The following SASH1 variants were observed in gnomAD, a reference collection of about 807,000 sequenced individuals.
SASH1 encodes SAM and SH3 domain containing 1.
SASH1 carries 44 observed loss-of-function variants against 125.2 expected under a neutral mutation model. The observed-to-expected ratio is 0.35, with a 90% CI of 0.28 to 0.45. SASH1 has a LOEUF of 0.45. SASH1 is among the 20% of genes least tolerant of loss of function. The pLI is 1.00. For synonymous variants in SASH1, 639 were observed against 649.1 expected (o/e 0.98, Z 0.24); for missense variants, 1,426 against 1,614.5 (o/e 0.88, Z 2.00).
chr6:148,255,187 C>T, the SASH1 span, among the ~76,000 whole-genome samples: 1 of 152,154 alleles, frequency 6.6e-6, no homozygotes, highest in African/African-American at 2.4e-5. Context: ...GTGGCTTTAG[C>T]AACAGAGGTT....
At chr6:148,381,677 G>A (rs371847042) in intron 1 of SASH1, among the ~76,000 whole-genome samples, 2 of 138,600 alleles carry the variant, frequency 1.4e-5, no homozygotes, top group East Asian at 4.2e-4. Flanking sequence ...CCAGGCTGGA[G>A]TGCAGTGGCG....
At chr6:148,244,961 A>T in the SASH1 span, among the ~76,000 whole-genome samples, 22,052 of 91,142 alleles carry the variant, frequency 0.24, 1,432 homozygotes, top group Admixed American at 0.3. Flanking sequence ...TGTGTGTGTG[A>T]GAGAGAGAGA....
chr6:148,466,801 G>T (rs1481139372), intron 4 of SASH1, among the ~76,000 whole-genome samples: 1 of 151,974 alleles, frequency 6.6e-6, no homozygotes, highest in East Asian at 1.9e-4. Flanking sequence ...CTCTCCTCCT[G>T]CCTCAGCCTT....
At chr6:148,209,033 A>T in the SASH1 span, among the ~76,000 whole-genome samples, 511 of 152,342 alleles carry the variant, frequency 3.4e-3, 6 homozygotes, top group African/African-American at 0.011. Context: ...CATTGTGCAA[A>T]AGGCACAAAT....
the SASH1 span, among the ~76,000 whole-genome samples, chr6:148,264,176 CGAAAAAAAAA>C: frequency 2.5e-4 from 13 of 52,396 alleles, 1 homozygote; most frequent in Non-Finnish European, 4.2e-4. Context: ...TTATTTTGAC[CGAAAAAAAAA>C]AAAAAAAAAA....
intron 1 of SASH1, among the ~76,000 whole-genome samples, chr6:148,284,887 A>C (rs769614165): frequency 1.3e-5 from 2 of 152,238 alleles, no homozygotes; most frequent in Non-Finnish European, 2.9e-5. Flanking sequence ...CTTCTTGGCC[A>C]AAGGGTATGA....
Position 148,315,471 on chromosome 6 carries a change from C to T in SASH1, n.74+43094C>T, listed in dbSNP as rs189838971. Among the ~76,000 whole-genome samples the T allele has an allele frequency of 3.4e-3, 524 of 152,282 alleles. 2 individuals carry two copies. The highest frequency in any genetic ancestry group is 0.012 in the African/African-American group (503 of 41,564). Reference sequence around the variant, plus strand: ...TCTGTTCAACCACTACCTTAGATTCCTTGATGAATCTTTAAAAGACCGTAC... The same window carrying T: ...TCTGTTCAACCACTACCTTAGATTCTTTGATGAATCTTTAAAAGACCGTAC... On this transcript the variant is annotated intron_variant and non_coding_transcript_variant, in intron 1 of 3. Transcript: ENST00000367469.
intron 1 of SASH1, among the ~76,000 whole-genome samples, chr6:148,329,844 G>C (rs1039739209): frequency 2.6e-5 from 4 of 152,150 alleles, no homozygotes; most frequent in Admixed American, 2.6e-4. Context: ...GGGAAAAGTT[G>C]AGTTTTCTTT....
chr6:148,206,859 A>ACAT, the SASH1 span, among the ~76,000 whole-genome samples: 2 of 151,760 alleles, frequency 1.3e-5, no homozygotes, highest in Non-Finnish European at 2.9e-5. Context: ...TATGCATTAA[A>ACAT]AAACATTCAG....
chr6:148,383,402 A>G (rs1009808260), intron 1 of SASH1, among the ~76,000 whole-genome samples: 1 of 152,228 alleles, frequency 6.6e-6, no homozygotes, highest in African/African-American at 2.4e-5. Flanking sequence ...AATTTATGTT[A>G]TATAAAAATA....
At chr6:148,477,007 T>G (rs1369308172) in intron 7 of SASH1, among the ~76,000 whole-genome samples, 1 of 152,204 alleles carries the variant, frequency 6.6e-6, no homozygotes, top group Admixed American at 6.5e-5. Flanking sequence ...AAATTGGATA[T>G]TCATAGGCAG....
chr6:148,356,036 C>T (rs746850489), intron 1 of SASH1, among the ~76,000 whole-genome samples: 52 of 151,428 alleles, frequency 3.4e-4, no homozygotes, highest in Admixed American at 1.5e-3. Context: ...TCCACGCTTC[C>T]CCCCAAGTCC....
At position 148,432,155 on chromosome 6, in the gene SASH1, C is replaced by T. The variant is rs1334379736; in HGVS notation, c.286-8029C>T. On this transcript the variant is annotated intron_variant, in intron 2 of 19. Coordinates refer to ENST00000367467, the MANE Select transcript of SASH1 (RefSeq NM_015278.5). ...CACGCTGGGCTAATTTTGTGTTTTT[C>T]GTAGAGATGGGGTTTCTCCATGTTG... is the stretch of plus-strand genomic sequence containing the variant. 2.6e-5 allele frequency among the ~76,000 whole-genome samples: 4 copies of T among 151,868 alleles called. No homozygotes were observed. The South Asian group carries it at 6.2e-4, about 24-fold the overall frequency.
intron 4 of SASH1, among the ~76,000 whole-genome samples, chr6:148,447,939 C>G (rs188044184): frequency 2.0e-5 from 3 of 152,230 alleles, no homozygotes; most frequent in Admixed American, 6.5e-5. Context: ...CTCACCATTA[C>G]CCCCCGCTGC....
At chr6:148,229,133 CAAAAAAAAAAAA>C in the SASH1 span, among the ~76,000 whole-genome samples, 6 of 60,966 alleles carry the variant, frequency 9.8e-5, no homozygotes, top group Admixed American at 2.1e-4. Flanking sequence ...GACTCCATCT[CAAAAAAAAAAAA>C]AAAAAAAAAA....
intron 8 of SASH1, among the ~76,000 whole-genome samples, chr6:148,505,577 C>G (rs1016334516): frequency 7.9e-5 from 12 of 151,744 alleles, no homozygotes; most frequent in Admixed American, 7.9e-4. Flanking sequence ...TCCCAAAGTG[C>G]TGGGATTACA....
rs1562312246 is a variant in SASH1, at chr6:148,298,714, A to AAGG, written n.74+26339_74+26341dup. On this transcript the variant is annotated intron_variant and non_coding_transcript_variant, in intron 1 of 3. Transcript: ENST00000367469. Reference sequence around the variant, plus strand: ...GGAAGGAAGGAAGGAAGGAAGGAAGAAGGAAGGGAAAGGAGGGAGGGAGGG... The same window carrying AAGG: ...GGAAGGAAGGAAGGAAGGAAGGAAGAAGGAGGAAGGGAAAGGAGGGAGGGAGGG... Among the ~76,000 whole-genome samples, 12 of 77,150 alleles carry AAGG rather than the reference A, an allele frequency of 1.6e-4. No homozygotes were observed. The Middle Eastern group carries it at 0.022, about 142-fold the overall frequency. 50.6% of individuals were successfully genotyped at this position (77,150 alleles called of 152,430 possible).
At chr6:148,217,590 A>T in the SASH1 span, among the ~76,000 whole-genome samples, 1 of 152,120 alleles carries the variant, frequency 6.6e-6, no homozygotes, top group Non-Finnish European at 1.5e-5. Context: ...TCTAAAGCCC[A>T]CCAGCCTTAC....
intron 1 of SASH1, among the ~76,000 whole-genome samples, chr6:148,369,151 C>T (rs1051236481): frequency 3.9e-5 from 6 of 152,204 alleles, no homozygotes; most frequent in Admixed American, 2.0e-4. Flanking sequence ...AAATCATCAG[C>T]GTGTGCAAGG....
Sources: gnomAD v4.1 joint callset for allele counts (sites outside exome capture counted in the v4.1 genomes callset) on GRCh38, gnomAD v4.1.1 for gene constraint, MANE v1.5 for transcripts, NCBI Gene and HGNC (gene_info 2026-07-23, HGNC 2026-07-21) for gene names.